The following ADAMTSL3 variants were observed in gnomAD, a reference collection of about 807,000 sequenced individuals.
ADAMTSL3 encodes the protein ADAMTS like 3.
A neutral mutation model predicts 201.7 loss-of-function variants in ADAMTSL3; 128 were observed. That is an observed-to-expected ratio of 0.63 (90% CI 0.55 to 0.73). The LOEUF is 0.73. Among genes scored for constraint, ADAMTSL3 ranks in the 30% least tolerant of loss-of-function variants. ADAMTSL3 has a pLI of 0.00. For missense variants in ADAMTSL3, 1,990 were observed against 2,119.6 expected (o/e 0.94, Z 1.20); for synonymous variants, 738 against 748.4 (o/e 0.99, Z 0.23).
chr15:83,709,595 A>T (rs1475366411), intron 3 of ADAMTSL3, among the ~76,000 whole-genome samples: 1 of 152,126 alleles, frequency 6.6e-6, no homozygotes, highest in African/African-American at 2.4e-5. Flanking sequence ...CTTCTGGGAA[A>T]GGGGGATGGT....
intron 16 of ADAMTSL3, among the ~76,000 whole-genome samples, chr15:83,918,697 T>C (rs1020441354): frequency 6.6e-6 from 1 of 152,224 alleles, no homozygotes; most frequent in Non-Finnish European, 1.5e-5. Context: ...AATTATGGCC[T>C]TACAGGCTAT....
rs115066478 is a variant in ADAMTSL3 at position 83,772,631 on chromosome 15, T to C, written c.190-892T>C. Among the ~76,000 whole-genome samples the C allele has an allele frequency of 8.7e-3, 1,329 of 152,240 alleles. 24 individuals are homozygous for C. The highest frequency in any genetic ancestry group is 0.03 in the African/African-American group (1,249 of 41,520). ...TCTCTCAGGAGGTTCCACAAATCCT[T>C]ATGCAAGGTTTCTTGGGAGTTACCG... On this transcript the variant is annotated intron_variant, in intron 3 of 29. Transcript: ENST00000286744.
intron 23 of ADAMTSL3, among the ~76,000 whole-genome samples, chr15:84,004,356 C>T (rs1261389224): frequency 6.6e-6 from 1 of 152,128 alleles, no homozygotes; most frequent in East Asian, 1.9e-4. Context: ...TTCTAATGTG[C>T]AGCCAAGGTT....
chr15:83,862,335 A>G (rs986465631), intron 8 of ADAMTSL3: 2 of 152,234 alleles, frequency 1.3e-5, no homozygotes, highest in Non-Finnish European at 2.9e-5. Context: ...ACCAAAGTTG[A>G]AATGAAGGAA....
intron 5 of ADAMTSL3, among the ~76,000 whole-genome samples, chr15:83,818,759 A>T (rs1305120504): frequency 6.6e-6 from 1 of 152,216 alleles, no homozygotes; most frequent in Non-Finnish European, 1.5e-5. Context: ...CGGAATCAGT[A>T]ATTTAGTAAA....
intron 3 of ADAMTSL3, among the ~76,000 whole-genome samples, chr15:83,712,116 G>C (rs2061941597): frequency 6.6e-6 from 1 of 152,196 alleles, no homozygotes; most frequent in Non-Finnish European, 1.5e-5. Context: ...AGTGCTTTGA[G>C]ATGAGGTTGT....
chr15:83,718,873 A>T (rs761893261), intron 3 of ADAMTSL3, among the ~76,000 whole-genome samples: 1 of 152,120 alleles, frequency 6.6e-6, no homozygotes, highest in African/African-American at 2.4e-5. Context: ...GAAGGAAAAA[A>T]CCCAAATATT....
chr15:83,835,941 G>A (rs1298073568), intron 6 of ADAMTSL3, among the ~76,000 whole-genome samples: 1 of 152,136 alleles, frequency 6.6e-6, no homozygotes, highest in Non-Finnish European at 1.5e-5. Flanking sequence ...TGTAATATTG[G>A]CAAATCATTT....
In ADAMTSL3 at chr15:83,845,409, C is replaced by T. The variant is rs28636946; in HGVS notation, c.727+7194C>T. ...GCCTTCGCTGGAGATGATTCTGCTTCCTGTTATGATTTCAGTGGGACTAAA... is the reference window on the plus strand; with the variant it reads ...GCCTTCGCTGGAGATGATTCTGCTTTCTGTTATGATTTCAGTGGGACTAAA... On this transcript the variant is annotated intron_variant, in intron 7 of 29. Transcript: ENST00000286744. Among the ~76,000 whole-genome samples the T allele has an allele frequency of 1.4e-3, 209 of 152,272 alleles. 1 individual carries two copies. Among genetic ancestry groups the T allele is most frequent in the African/African-American group, 4.8e-3 (200 of 41,562 alleles).
chr15:83,669,683 T>C (rs192847931), intron 2 of ADAMTSL3, among the ~76,000 whole-genome samples: 2,009 of 151,396 alleles, frequency 0.013, 128 homozygotes, highest in Admixed American at 0.11. Flanking sequence ...TTAGCCAGGA[T>C]GGTCTCAATC....
intron 23 of ADAMTSL3, among the ~76,000 whole-genome samples, chr15:84,001,948 C>T (rs1295804660): frequency 6.6e-6 from 1 of 152,200 alleles, no homozygotes; most frequent in East Asian, 1.9e-4. Flanking sequence ...ACTCCCTCAC[C>T]TCACCCTTAA....
At chr15:83,729,361 TACCTTCTCTTTAAC>T (rs1193214434) in intron 3 of ADAMTSL3, among the ~76,000 whole-genome samples, 1 of 152,102 alleles carries the variant, frequency 6.6e-6, no homozygotes, top group African/African-American at 2.4e-5. Context: ...TCTTTCTCTC[TACCTTCTCTTTAAC>T]ACCAATAACT....
chr15:83,736,753 C>T (rs555915076), intron 3 of ADAMTSL3, among the ~76,000 whole-genome samples: 6 of 152,270 alleles, frequency 3.9e-5, no homozygotes, highest in Middle Eastern at 3.4e-3. Context: ...ATTCATGCTC[C>T]AGGTAGCCAG....
rs1396545047 is a variant in ADAMTSL3 at position 83,700,211 on chromosome 15, G to A, written c.70-4178G>A. Among the ~76,000 whole-genome samples the A allele has an allele frequency of 3.1e-4, 47 of 152,194 alleles. 1 individual carries two copies. The highest frequency in any genetic ancestry group is 3.1e-3 in the Admixed American group (47 of 15,276). On this transcript the variant is annotated intron_variant, in intron 2 of 29. Coordinates refer to ENST00000286744, the MANE Select transcript of ADAMTSL3 (RefSeq NM_207517.3). ...GCGATCTTTGACTGCTTCCACTCTG[G>A]TAAATGGATCTGTCCAGGTATTGGC...
At chr15:83,801,063 G>A (rs942437745) in intron 4 of ADAMTSL3, among the ~76,000 whole-genome samples, 3 of 151,970 alleles carry the variant, frequency 2.0e-5, no homozygotes, top group Admixed American at 1.3e-4. Flanking sequence ...TCCCAGTTTG[G>A]TGCTGCTTGA....
intron 17 of ADAMTSL3, among the ~76,000 whole-genome samples, chr15:83,938,053 T>C: frequency 6.8e-6 from 1 of 147,256 alleles, no homozygotes; most frequent in African/African-American, 2.7e-5. Context: ...GTAAAGATAT[T>C]TAATCTAAAA....
At chr15:83,991,351 C>G in intron 23 of ADAMTSL3, 137 bp downstream of exon 23, 1 of 1,293,432 alleles carries the variant, frequency 7.7e-7, no homozygotes, top group Non-Finnish European at 1.1e-6. Flanking sequence ...GATTTTCCAG[C>G]ACACTGACAG....
At chr15:84,025,623 T>C in intron 27 of ADAMTSL3, 187 bp downstream of exon 27, 1 of 597,276 alleles carries the variant, frequency 1.7e-6, no homozygotes, top group Non-Finnish European at 2.8e-6. Flanking sequence ...TGTCTTCCAG[T>C]ACAAAAGTGA....
intron 10 of ADAMTSL3, among the ~76,000 whole-genome samples, chr15:83,885,855 G>C (rs563023714): frequency 6.6e-6 from 1 of 152,018 alleles, no homozygotes; most frequent in Non-Finnish European, 1.5e-5. Context: ...CTCCTGAGTA[G>C]CTGGGATTAC....
Sources: gnomAD v4.1 joint callset for allele counts (sites outside exome capture counted in the v4.1 genomes callset) on GRCh38, gnomAD v4.1.1 for gene constraint, MANE v1.5 for transcripts, NCBI Gene and HGNC (gene_info 2026-07-23, HGNC 2026-07-21) for gene names.